PFKM: variants seen among roughly 807,000 people sequenced by gnomAD.
PFKM encodes ATP-dependent 6-phosphofructokinase, muscle type.
Under a neutral mutation model 95.5 loss-of-function variants are expected in PFKM, and 58 were observed. The observed-to-expected ratio is 0.61, with a 90% CI of 0.49 to 0.76. PFKM has a LOEUF of 0.76. Among genes scored for constraint, PFKM ranks in the 30% least tolerant of loss-of-function variants. PFKM has a pLI of 0.00. For missense variants in PFKM, 678 were observed against 1,005.4 expected, an observed-to-expected ratio of 0.67 and a Z score of 4.40; for synonymous variants, 336 against 357.2, an observed-to-expected ratio of 0.94 and a Z score of 0.67.
intron 10 of PFKM, among the ~76,000 whole-genome samples, chr12:48,135,919 TG>T (rs1950042177): frequency 7.9e-5 from 6 of 76,094 alleles, no homozygotes; most frequent in Non-Finnish European, 1.9e-4. Context: ...GACGCACCAT[TG>T]CACTCGCTCC....
chr12:48,115,624 A>G (rs145579649), upstream of PFKM, among the ~76,000 whole-genome samples: 1,127 of 152,308 alleles, frequency 7.4e-3, 14 homozygotes, highest in Middle Eastern at 0.01. Context: ...CTGGATGTAT[A>G]CGTGCAGGTC....
In PFKM at chr12:48,114,152, T is replaced by C. The variant is rs139295238; in HGVS notation, c.205+5958T>C. ...GTGTGGTTCATGAAGCCAGCAGTTA[T>C]CAGCATGCGATTGGGCTAGAGAAAA... On this transcript the variant is annotated intron_variant, in intron 3 of 24. Coordinates refer to the PFKM transcript ENST00000340802. 4.4e-3 allele frequency among the ~76,000 whole-genome samples: 668 copies of C among 152,280 alleles called. 2 individuals are homozygous for C. The highest frequency in any genetic ancestry group is 8.1e-3 in the East Asian group (42 of 5,188).
chr12:48,114,265 G>A (rs1414370703), intron 3 of PFKM, among the ~76,000 whole-genome samples: 1 of 152,118 alleles, frequency 6.6e-6, no homozygotes, highest in African/African-American at 2.4e-5. Context: ...GCTCGATGTC[G>A]GAATTCCTGT....
rs1240216050 is a variant in PFKM at position 48,142,073 on chromosome 12, G to A, written c.1653+7G>A. ...ACTCAATACTATCTGCACAGTGAGA[G>A]CCTATCACCACTTCCCATCCCTTTT... is the stretch of plus-strand genomic sequence containing the variant. On this transcript the variant is annotated splice_region_variant and intron_variant, in intron 17 of 22. Transcript: ENST00000359794. 1.2e-6 allele frequency: 2 copies of A among 1,613,894 alleles called. No individual in the cohort carries two copies. Among genetic ancestry groups the A allele is most frequent in the Admixed American group, 1.7e-5 (1 of 60,028 alleles).
chr12:48,139,960 C>T (rs564658114), intron 13 of PFKM, 48 bp downstream of exon 13: 2 of 1,236,162 alleles, frequency 1.6e-6, no homozygotes, highest in Non-Finnish European at 2.4e-6. Flanking sequence ...CTCCCTCCCC[C>T]AGTCTCTCTT....
chr12:48,108,990 T>A (rs1259159039), intron 3 of PFKM, among the ~76,000 whole-genome samples: 1 of 152,208 alleles, frequency 6.6e-6, no homozygotes, highest in East Asian at 1.9e-4. Context: ...TCCTAGCACT[T>A]ATGAAATATA....
intron 18 of PFKM, 91 bp from the exon 19 acceptor site, chr12:48,143,662 T>C (rs1950775312): frequency 1.1e-6 from 1 of 927,128 alleles, no homozygotes; most frequent in Non-Finnish European, 1.8e-6. Context: ...CATGTGTCTC[T>C]TCCTTCCTGG....
chr12:48,135,344 G>A lies in PFKM; in HGVS notation c.897G>A (p.Val299=). Residue 299 remains valine (V), a synonymous_variant, in exon 10 of 23, where the codon GTG becomes GTA. Coordinates refer to ENST00000359794, the MANE Select transcript of PFKM (RefSeq NM_000289.6). ...CCCGGGTTACTGTCTTGGGGCATGTGCAGAGGGGTGGGACGCCATCAGCCT... is the reference window on the plus strand; with the variant it reads ...CCCGGGTTACTGTCTTGGGGCATGTACAGAGGGGTGGGACGCCATCAGCCT... ...YDTRVTVLGH[V]QRGGTPSAFD... is the part of the protein sequence containing the mutation. 1 of 1,614,184 alleles carries A rather than the reference G, an allele frequency of 6.2e-7. No homozygotes were observed. Among genetic ancestry groups the A allele is most frequent in the East Asian group, 2.2e-5 (1 of 44,886 alleles).
In PFKM at chr12:48,134,284, C is replaced by A. The variant is rs1949839084; in HGVS notation, c.638+8C>A. 2 of 1,610,472 alleles carry A rather than the reference C, an allele frequency of 1.2e-6. No homozygotes were observed. The highest frequency in any genetic ancestry group is 1.1e-5 in the South Asian group (1 of 90,992). The stretch of plus-strand genomic sequence containing the variant: ...AATGGGCCGCCACTGTGGGTAAGAT[C>A]CTCATTCTGACCCATTTATTCCGTG... On this transcript the variant is annotated splice_region_variant and intron_variant, in intron 7 of 22. Coordinates refer to ENST00000359794, the MANE Select transcript of PFKM (RefSeq NM_000289.6).
At chr12:48,142,687 A>G in intron 17 of PFKM, 95 bp from the exon 18 acceptor site, 3 of 1,201,208 alleles carry the variant, frequency 2.5e-6, no homozygotes, top group Middle Eastern at 1.9e-4. Flanking sequence ...TATGGAGAAT[A>G]TAGTTCCAGG....
chr12:48,121,747 A>G (rs945403037), intron 1 of PFKM, among the ~76,000 whole-genome samples: 5 of 152,192 alleles, frequency 3.3e-5, no homozygotes, highest in African/African-American at 9.6e-5. Context: ...TAAGCAGTTC[A>G]GGTGGAAAAT....
chr12:48,145,474 T>C lies in PFKM; in HGVS notation c.2199-90T>C, dbSNP rs1366138174. On this transcript the variant is annotated intron_variant, in intron 22 of 22. Coordinates refer to ENST00000359794, the MANE Select transcript of PFKM (RefSeq NM_000289.6). The surrounding 1 kb of genome is among the most constrained non-coding windows in gnomAD (Gnocchi z 4.3). ...TGATGCACATGTCCTAAATCTAACCTCTTCTGTCTAACTTCTTCCTATAAA... is the reference window on the plus strand; with the variant it reads ...TGATGCACATGTCCTAAATCTAACCCCTTCTGTCTAACTTCTTCCTATAAA... The C allele has an allele frequency of 1.3e-5, 20 of 1,500,678 alleles. No homozygotes were observed. The highest frequency in any genetic ancestry group is 1.8e-5 in the Non-Finnish European group (20 of 1,081,096). The allele number at this position is 1,500,678 out of a possible 1,614,324, so 93.0% of individuals were successfully genotyped here. A position where few individuals can be genotyped will look rare whatever the true frequency, so the allele number is the denominator to read the frequency against.
Position 48,137,810 on chromosome 12 carries a change from G to C in PFKM, c.1026G>C (p.Gln342His), listed in dbSNP as rs763289039. The C allele has an allele frequency of 6.2e-7, 1 of 1,614,044 alleles. No homozygotes were observed. Among genetic ancestry groups the C allele is most frequent in the Non-Finnish European group, 8.5e-7 (1 of 1,180,022 alleles). Residue 342 changes from glutamine (Q) to histidine (H), a missense_variant, in exon 11 of 23, where the codon CAG becomes CAC. Coordinates refer to ENST00000359794, the MANE Select transcript of PFKM (RefSeq NM_000289.6). ...PACVVSLSGN[Q>H]AVRLPLMECV... ...GTGTAGTGAGCCTCTCTGGTAACCA[G>C]GCTGTGCGCCTGCCCCTCATGGAAT... is the stretch of plus-strand genomic sequence containing the variant.
rs1013939808 is a variant in PFKM, at chr12:48,139,746, A to G, written c.1128-103A>G. 1.5e-4 allele frequency: 127 copies of G among 826,258 alleles called. 1 individual carries two copies. The highest frequency in any genetic ancestry group is 6.2e-4 in the South Asian group (45 of 72,102). The allele number at this position is 826,258 out of a possible 1,614,324, so 51.2% of individuals were successfully genotyped here. A position where few individuals can be genotyped will look rare whatever the true frequency, so the allele number is the denominator to read the frequency against. On this transcript the variant is annotated intron_variant, in intron 12 of 22. Transcript: ENST00000359794. ...AGTTCTGTCCTCAGAGGTTTGCCCTATGGAACTTCCCTCTGGGAGCAACAC... is the reference window on the plus strand; with the variant it reads ...AGTTCTGTCCTCAGAGGTTTGCCCTGTGGAACTTCCCTCTGGGAGCAACAC...
intron 7 of PFKM, 144 bp downstream of exon 7, chr12:48,134,420 C>CA: frequency 3.9e-6 from 3 of 776,806 alleles, no homozygotes; most frequent in Middle Eastern, 3.1e-4. Context: ...TTCCGGCCTC[C>CA]ATCCCCTCTG....
Position 48,132,859 on chromosome 12 carries a change from C to T in PFKM, c.238-9C>T, listed in dbSNP as rs1410090927. 13 of 1,606,870 alleles carry T rather than the reference C, an allele frequency of 8.1e-6. No homozygotes were observed. Among genetic ancestry groups the T allele is most frequent in the African/African-American group, 1.3e-5 (1 of 74,802 alleles). Reference sequence around the variant, plus strand: ...GTCTCTGGGGAGCTGACTTCTACCTCTTCCAAAGGGAGGCACGGTGATTGG... The same window carrying T: ...GTCTCTGGGGAGCTGACTTCTACCTTTTCCAAAGGGAGGCACGGTGATTGG... On this transcript the variant is annotated splice_polypyrimidine_tract_variant and intron_variant, in intron 4 of 22. Coordinates refer to ENST00000359794, the MANE Select transcript of PFKM (RefSeq NM_000289.6).
chr12:48,130,935 G>A (rs980910501), intron 3 of PFKM, among the ~76,000 whole-genome samples: 5 of 152,152 alleles, frequency 3.3e-5, no homozygotes, highest in Non-Finnish European at 7.4e-5. Context: ...TTTAGAGCAA[G>A]TCGCGTTTCT....
At chr12:48,122,179 C>T (rs953120196) in intron 1 of PFKM, among the ~76,000 whole-genome samples, 2 of 152,156 alleles carry the variant, frequency 1.3e-5, no homozygotes, top group African/African-American at 4.8e-5. Flanking sequence ...GAGACTGACA[C>T]CATTAATTTG....
intron 2 of PFKM, 122 bp from the exon 3 acceptor site, chr12:48,130,241 T>C: frequency 1.3e-6 from 1 of 783,002 alleles, no homozygotes. Flanking sequence ...TATTCTAGAT[T>C]CAGAGAAAAG....
Sources: allele counts gnomAD v4.1 joint callset (sites outside exome capture counted in the v4.1 genomes callset), GRCh38; gene constraint gnomAD v4.1.1; non-coding constraint Gnocchi (gnomAD v3.1); transcripts MANE v1.5; gene names NCBI Gene and HGNC (gene_info 2026-07-23, HGNC 2026-07-21).